The following CADM1 variants were observed in gnomAD, a reference collection of about 807,000 sequenced individuals.
CADM1 encodes the protein cell adhesion molecule 1, also known as TSLC-1.
A neutral mutation model predicts 53.1 loss-of-function variants in CADM1; 15 were observed. That is an observed-to-expected ratio of 0.28 (90% confidence interval 0.19 to 0.44). CADM1 has a LOEUF of 0.44. CADM1 is among the 20% of genes least tolerant of loss of function. The pLI is 1.00. For missense variants in CADM1, 434 were observed against 611.3 expected (o/e 0.71, Z 3.06); for synonymous variants, 281 against 243.0 (o/e 1.16, Z -1.45).
chr11:115,459,135 A>G (rs143008351), intron 1 of CADM1, among the ~76,000 whole-genome samples: 13 of 152,278 alleles, frequency 8.5e-5, no homozygotes, highest in Non-Finnish European at 1.9e-4. Context: ...TTCCATAATT[A>G]TAACTGCAAT....
chr11:115,198,282 ATATT>A, intron 9 of CADM1, 120 bp downstream of exon 9: 1 of 706,108 alleles, frequency 1.4e-6, no homozygotes, highest in Non-Finnish European at 2.4e-6. Flanking sequence ...AAATTATAGT[ATATT>A]TATGAGGTCA....
At chr11:115,430,601 A>G (rs143239842) in intron 1 of CADM1, among the ~76,000 whole-genome samples, 157 of 152,346 alleles carry the variant, frequency 1.0e-3, no homozygotes, top group African/African-American at 3.6e-3. Flanking sequence ...AGTAATTAAT[A>G]TGAGTAAACA....
At chr11:115,299,733 T>G (rs1334957385) in intron 1 of CADM1, among the ~76,000 whole-genome samples, 6 of 152,260 alleles carry the variant, frequency 3.9e-5, no homozygotes, top group African/African-American at 1.4e-4. Flanking sequence ...GAGATGGCCT[T>G]GAAAATCACC....
At chr11:115,427,230 A>C (rs571472894) in intron 1 of CADM1, among the ~76,000 whole-genome samples, 1 of 152,368 alleles carries the variant, frequency 6.6e-6, no homozygotes, top group African/African-American at 2.4e-5. Flanking sequence ...TCTTCACTGA[A>C]GAACAGTTTA....
chr11:115,181,283 G>A (rs1029064122), intron 10 of CADM1, among the ~76,000 whole-genome samples: 6 of 152,048 alleles, frequency 3.9e-5, no homozygotes, highest in Admixed American at 2.0e-4. Flanking sequence ...TTCTTGAGCC[G>A]AAACTCCTTA....
chr11:115,482,764 G>A (rs577321710), intron 1 of CADM1, among the ~76,000 whole-genome samples: 1 of 152,198 alleles, frequency 6.6e-6, no homozygotes, highest in Non-Finnish European at 1.5e-5. Context: ...CCAAGAAAAA[G>A]GTTGTAGTGA....
chr11:115,456,262 A>G (rs1948681627), intron 1 of CADM1, among the ~76,000 whole-genome samples: 1 of 152,154 alleles, frequency 6.6e-6, no homozygotes, highest in Non-Finnish European at 1.5e-5. Flanking sequence ...ATATACATAA[A>G]AGTATGTGAC....
At position 115,174,301 on chromosome 11, in the gene CADM1, T is replaced by C; in HGVS notation, c.*2173A>G. 7 of 985,542 alleles carry C rather than the reference T, an allele frequency of 7.1e-6. No homozygotes were observed. The highest frequency in any genetic ancestry group is 8.4e-6 in the Non-Finnish European group (7 of 829,718). 61.0% of individuals were successfully genotyped at this position (985,542 alleles called of 1,614,324 possible). ...TTTGTTTTTGTTTTTGTTTTTCTTT[T>C]TTTCTAAAAAGAACAACTGAAAAAA... On this transcript the variant is annotated 3_prime_UTR_variant, in exon 12 of 12. Transcript: ENST00000331581.
At chr11:115,358,645 C>T (rs754837494) in intron 1 of CADM1, among the ~76,000 whole-genome samples, 69 of 152,158 alleles carry the variant, frequency 4.5e-4, no homozygotes, top group African/African-American at 1.6e-3. Context: ...TCTTTTTATC[C>T]GGCTTATTTC....
intron 1 of CADM1, among the ~76,000 whole-genome samples, chr11:115,472,810 G>T (rs1591281166): frequency 6.6e-6 from 1 of 152,058 alleles, no homozygotes; most frequent in Non-Finnish European, 1.5e-5. Flanking sequence ...CTTGGATTTA[G>T]AAAAGAATAT....
At chr11:115,226,495 A>G (rs761732442) in intron 5 of CADM1, among the ~76,000 whole-genome samples, 2 of 152,236 alleles carry the variant, frequency 1.3e-5, no homozygotes, top group Non-Finnish European at 2.9e-5. Flanking sequence ...CTTCAACGGC[A>G]TGAGTCAACA....
At chr11:115,440,165 T>C (rs1948277432) in intron 1 of CADM1, among the ~76,000 whole-genome samples, 1 of 152,246 alleles carries the variant, frequency 6.6e-6, no homozygotes, top group Admixed American at 6.5e-5. Flanking sequence ...GTTGGCATAA[T>C]CATCTTTTTG....
chr11:115,276,983 A>G (rs1163217045), intron 1 of CADM1, among the ~76,000 whole-genome samples: 1 of 152,176 alleles, frequency 6.6e-6, no homozygotes, highest in Non-Finnish European at 1.5e-5. Flanking sequence ...TAAAGACCAC[A>G]TTTTCTCAAC....
intron 10 of CADM1, chr11:115,179,222 G>A (rs1939193173): frequency 4.5e-6 from 1 of 221,204 alleles, no homozygotes; most frequent in Non-Finnish European, 9.3e-6. Context: ...TGGTAGATTA[G>A]GGATATGCAT....
At chr11:115,291,334 C>G (rs569163904) in intron 1 of CADM1, among the ~76,000 whole-genome samples, 3 of 152,142 alleles carry the variant, frequency 2.0e-5, no homozygotes, top group Admixed American at 6.5e-5. Context: ...AGAAAAAAAC[C>G]CTTTGTGGAA....
intron 3 of CADM1, among the ~76,000 whole-genome samples, chr11:115,237,704 A>G (rs765927593): frequency 2.0e-5 from 3 of 152,164 alleles, no homozygotes; most frequent in Non-Finnish European, 4.4e-5. Context: ...CAAGAATCCA[A>G]ATCAGCTGGT....
intron 1 of CADM1, among the ~76,000 whole-genome samples, chr11:115,490,392 A>ATTTTTTTTTTTTTTTTTTTTTT (rs35633504): frequency 1.8e-5 from 2 of 109,330 alleles, no homozygotes; most frequent in Non-Finnish European, 1.8e-5. Flanking sequence ...GGAAGAACAG[A>ATTTTTTTTTTTTTTTTTTTTTT]TTTTTTTTTT....
intron 1 of CADM1, among the ~76,000 whole-genome samples, chr11:115,362,610 GT>G (rs997022259): frequency 1.3e-5 from 2 of 151,962 alleles, no homozygotes; most frequent in South Asian, 2.1e-4. Context: ...TATTAGAGAG[GT>G]TTTTTTTAGT....
rs992598455 is a variant in CADM1, at chr11:115,173,735, G to A, written c.*2739C>T. ...GTATACATGAACCAATACAAAATGCGAATGGGAACATATGGATATGGAGTT... is the reference window on the plus strand; with the variant it reads ...GTATACATGAACCAATACAAAATGCAAATGGGAACATATGGATATGGAGTT... On this transcript the variant is annotated 3_prime_UTR_variant, in exon 12 of 12. Coordinates refer to ENST00000331581, the MANE Select transcript of CADM1 (RefSeq NM_001301043.2). 3 of 925,226 alleles carry A rather than the reference G, an allele frequency of 3.2e-6. No individual in the cohort carries two copies. Among genetic ancestry groups the A allele is most frequent in the South Asian group, 5.0e-5 (1 of 19,956 alleles). 57.3% of individuals were successfully genotyped at this position (925,226 alleles called of 1,614,324 possible).
Sources: gnomAD v4.1 joint callset for allele counts (sites outside exome capture counted in the v4.1 genomes callset) on GRCh38, gnomAD v4.1.1 for gene constraint, MANE v1.5 for transcripts, NCBI Gene and HGNC (gene_info 2026-07-23, HGNC 2026-07-21) for gene names.